PRKCB: variants seen among roughly 807,000 people sequenced by gnomAD.
The protein encoded by PRKCB is protein kinase C beta type.
In PRKCB, 13 loss-of-function variants were observed where a neutral mutation model predicts 81.5. The observed-to-expected ratio is 0.16, with a 90% CI of 0.10 to 0.25. The LOEUF (loss-of-function observed/expected upper bound fraction) is 0.25, where lower values mean the gene tolerates loss of function less well. Ranked by LOEUF, PRKCB falls within the 10% of genes least tolerant of loss-of-function variation. The pLI is 1.00. For missense variants in PRKCB, 509 were observed against 875.7 expected (o/e 0.58, Z 5.29); for synonymous variants, 335 against 321.4 (o/e 1.04, Z -0.45).
At chr16:24,203,759 G>T (rs1012150133) in intron 16 of PRKCB, among the ~76,000 whole-genome samples, 4 of 152,164 alleles carry the variant, frequency 2.6e-5, no homozygotes, top group Admixed American at 2.6e-4. Context: ...AATGGCATAT[G>T]GAAAACAGCA....
At chr16:24,113,123 C>A (rs936908429) in intron 8 of PRKCB, 54 bp downstream of exon 8, 28 of 1,386,146 alleles carry the variant, frequency 2.0e-5, no homozygotes, top group Non-Finnish European at 2.7e-5. Context: ...TTTTTTCCTT[C>A]TTTCCTCCTG....
chr16:24,047,804 G>A (rs1462359655), intron 5 of PRKCB, among the ~76,000 whole-genome samples: 1 of 152,188 alleles, frequency 6.6e-6, no homozygotes, highest in Non-Finnish European at 1.5e-5. Flanking sequence ...GACTAGTTTA[G>A]CCTTAAGGTC....
At chr16:24,086,244 A>G (rs144505101) in intron 5 of PRKCB, among the ~76,000 whole-genome samples, 2 of 152,332 alleles carry the variant, frequency 1.3e-5, no homozygotes, top group African/African-American at 4.8e-5. Flanking sequence ...AAAGGGCTAA[A>G]GAAGCTTCCA....
intron 9 of PRKCB, among the ~76,000 whole-genome samples, chr16:24,124,882 T>C (rs1477557169): frequency 6.6e-6 from 1 of 152,202 alleles, no homozygotes; most frequent in Non-Finnish European, 1.5e-5. Flanking sequence ...CCATGTACAA[T>C]GCATTGGCGA....
At chr16:24,213,981 G>A (rs895431198) in intron 16 of PRKCB, among the ~76,000 whole-genome samples, 3 of 152,176 alleles carry the variant, frequency 2.0e-5, no homozygotes, top group Non-Finnish European at 4.4e-5. Context: ...ATTGAAGAGG[G>A]AATGGCTGAA....
At chr16:23,940,908 G>T (rs979257504) in intron 2 of PRKCB, among the ~76,000 whole-genome samples, 1 of 152,186 alleles carries the variant, frequency 6.6e-6, no homozygotes, top group African/African-American at 2.4e-5. Context: ...CGCAGTAGTT[G>T]TATGGATTTG....
intron 3 of PRKCB, among the ~76,000 whole-genome samples, chr16:24,027,452 T>C (rs1291026870): frequency 1.3e-5 from 2 of 152,212 alleles, no homozygotes; most frequent in East Asian, 1.9e-4. Context: ...CCTTAGTTTT[T>C]TGGGGGGTGG....
intron 2 of PRKCB, among the ~76,000 whole-genome samples, chr16:23,898,728 A>C (rs1963420085): frequency 6.6e-6 from 1 of 152,172 alleles, no homozygotes; most frequent in African/African-American, 2.4e-5. Flanking sequence ...GGCCACATCA[A>C]GGGAGGTAAA....
chr16:23,865,743 A>T (rs1199507277), intron 2 of PRKCB, among the ~76,000 whole-genome samples: 3 of 151,180 alleles, frequency 2.0e-5, no homozygotes, highest in African/African-American at 7.3e-5. Flanking sequence ...TTGGACACTT[A>T]CTTCCCTCCA....
intron 15 of PRKCB, among the ~76,000 whole-genome samples, chr16:24,188,247 G>A (rs1015046322): frequency 2.0e-5 from 3 of 152,118 alleles, no homozygotes; most frequent in African/African-American, 7.2e-5. Flanking sequence ...GAGTCCAATG[G>A]GGCTCTTCCT....
At chr16:24,094,741 A>C (rs1017606073) in intron 7 of PRKCB, among the ~76,000 whole-genome samples, 7 of 151,050 alleles carry the variant, frequency 4.6e-5, no homozygotes, top group Non-Finnish European at 4.4e-5. Flanking sequence ...GAGCCACTGC[A>C]CTCCAGCCTG....
intron 7 of PRKCB, among the ~76,000 whole-genome samples, chr16:24,108,344 A>AATTT (rs1220670870): frequency 1.4e-4 from 16 of 118,508 alleles, no homozygotes; most frequent in East Asian, 2.2e-4. Flanking sequence ...TTTTTTTTTA[A>AATTT]ATTTATTTAT....
intron 5 of PRKCB, among the ~76,000 whole-genome samples, chr16:24,044,008 C>T (rs1965735879): frequency 6.6e-6 from 1 of 152,006 alleles, no homozygotes. Context: ...GCAAAGAAAA[C>T]ATCAGCCTAA....
At chr16:23,901,762 G>C (rs912618238) in intron 2 of PRKCB, among the ~76,000 whole-genome samples, 2 of 152,120 alleles carry the variant, frequency 1.3e-5, no homozygotes, top group Non-Finnish European at 2.9e-5. Context: ...TTTTCTCTGA[G>C]GTCCCAAAAA....
chr16:24,217,982 T>A lies in PRKCB; in HGVS notation c.*3166T>A. On this transcript the variant is annotated 3_prime_UTR_variant, in exon 17 of 17. Coordinates refer to ENST00000643927, the MANE Select transcript of PRKCB (RefSeq NM_002738.7). The stretch of plus-strand genomic sequence containing the variant: ...AGTAAAGTTTCTGGCTCGGGGACAA[T>A]TATAAGTTGCAAAAAGGATAGAGGC... 1 of 985,334 alleles carries A rather than the reference T, an allele frequency of 1.0e-6. No individual in the cohort carries two copies. Among genetic ancestry groups the A allele is most frequent in the Non-Finnish European group, 1.2e-6 (1 of 829,918 alleles). 61.0% of individuals were successfully genotyped at this position (985,334 alleles called of 1,614,324 possible). A position where few individuals can be genotyped will look rare whatever the true frequency, so the allele number is the denominator to read the frequency against.
At chr16:23,909,942 C>G (rs1963624249) in intron 2 of PRKCB, among the ~76,000 whole-genome samples, 1 of 152,162 alleles carries the variant, frequency 6.6e-6, no homozygotes, top group Admixed American at 6.5e-5. Flanking sequence ...GGCCCCACCT[C>G]CTAAAAGCAA....
chr16:23,934,679 G>A (rs1198254027), intron 2 of PRKCB, among the ~76,000 whole-genome samples: 3 of 152,054 alleles, frequency 2.0e-5, no homozygotes, highest in African/African-American at 4.8e-5. Context: ...GTGTTTATAC[G>A]TGCGCCTAAT....
chr16:23,875,501 ATATATG>A (rs1483681644), intron 2 of PRKCB, among the ~76,000 whole-genome samples: 2 of 7,160 alleles, frequency 2.8e-4, no homozygotes, highest in Non-Finnish European at 4.9e-4. Context: ...ATATATATAT[ATATATG>A]ATGTATATCA....
At chr16:24,128,105 G>A (rs565565156) in intron 9 of PRKCB, among the ~76,000 whole-genome samples, 5 of 133,418 alleles carry the variant, frequency 3.7e-5, no homozygotes, top group South Asian at 4.7e-4. Context: ...GGCCAGGTGC[G>A]GTGGTTTGCG....
Sources: gnomAD v4.1 joint callset for allele counts (sites outside exome capture counted in the v4.1 genomes callset) on GRCh38, gnomAD v4.1.1 for gene constraint, MANE v1.5 for transcripts, NCBI Gene and HGNC (gene_info 2026-07-23, HGNC 2026-07-21) for gene names.